The following RNF121 variants were observed in gnomAD, a reference collection of about 807,000 sequenced individuals.
RNF121 encodes E3 ubiquitin ligase RNF121.
RNF121 carries 21 observed loss-of-function variants against 46.5 expected under a neutral mutation model. The observed-to-expected ratio is 0.45, with a 90% CI of 0.32 to 0.65. The LOEUF (loss-of-function observed/expected upper bound fraction) is 0.65, where lower values mean the gene tolerates loss of function less well. RNF121 is among the 30% of genes least tolerant of loss of function. The pLI, the probability that RNF121 is intolerant of heterozygous loss-of-function variation, is 0.04. For synonymous variants in RNF121, 139 were observed against 144.7 expected (o/e 0.96, Z 0.28); for missense variants, 346 against 416.0 (o/e 0.83, Z 1.46).
chr11:71,981,472 G>A (rs189791739), intron 3 of RNF121, among the ~76,000 whole-genome samples: 1 of 152,130 alleles, frequency 6.6e-6, no homozygotes, highest in Non-Finnish European at 1.5e-5. Context: ...ATGGCATCAG[G>A]AAGAAAACCT....
chr11:71,940,915 G>A (rs2187496), intron 1 of RNF121, among the ~76,000 whole-genome samples: 1 of 152,140 alleles, frequency 6.6e-6, no homozygotes, highest in Non-Finnish European at 1.5e-5. Flanking sequence ...AGGTAAGGAA[G>A]AGTGAGTGGT....
chr11:71,942,335 G>A (rs1953592466), intron 1 of RNF121, among the ~76,000 whole-genome samples: 1 of 152,152 alleles, frequency 6.6e-6, no homozygotes, highest in South Asian at 2.1e-4. Context: ...ATTGTAGGAG[G>A]TGACTCAGTG....
At chr11:71,974,133 G>A (rs900600851) in intron 3 of RNF121, among the ~76,000 whole-genome samples, 3 of 152,096 alleles carry the variant, frequency 2.0e-5, no homozygotes, top group Admixed American at 2.0e-4. Context: ...AGTAGAGACG[G>A]GGTTTCACCG....
At chr11:71,955,044 T>C (rs1953959932) in intron 1 of RNF121, among the ~76,000 whole-genome samples, 1 of 152,196 alleles carries the variant, frequency 6.6e-6, no homozygotes, top group African/African-American at 2.4e-5. Flanking sequence ...ACTAATATGT[T>C]CATGGGATGG....
chr11:71,951,628 C>A lies in RNF121; in HGVS notation c.64-5599C>A, dbSNP rs563247237. ...CTCCAGCCTGGGCACTATAGCAAGA[C>A]CCTGTCTCTTAAAAAAAAAAAAAAA... On this transcript the variant is annotated intron_variant, in intron 1 of 8. Coordinates refer to ENST00000361756, the MANE Select transcript of RNF121 (RefSeq NM_018320.5). Among the ~76,000 whole-genome samples, 4 of 148,014 alleles carry A rather than the reference C, an allele frequency of 2.7e-5. No individual in the cohort carries two copies. The East Asian group carries it at 7.9e-4, about 29-fold the overall frequency.
At chr11:71,994,593 T>G in intron 6 of RNF121, 126 bp from the exon 7 acceptor site, 1 of 1,069,060 alleles carries the variant, frequency 9.4e-7, no homozygotes, top group Non-Finnish European at 1.4e-6. Flanking sequence ...AAAGATGTCC[T>G]CTAACTCTGG....
intron 7 of RNF121, 122 bp downstream of exon 7, chr11:71,994,974 A>G (rs1450731417): frequency 7.6e-7 from 1 of 1,308,998 alleles, no homozygotes; most frequent in African/African-American, 1.5e-5. Flanking sequence ...TAGGAGAGCC[A>G]CAAGAGGGCC....
chr11:71,994,894 C>G (rs776943188), intron 7 of RNF121, 42 bp downstream of exon 7: 5 of 1,613,242 alleles, frequency 3.1e-6, no homozygotes, highest in Non-Finnish European at 4.2e-6. Context: ...CTCCTGCAAT[C>G]TGCACACTGT....
intron 1 of RNF121, among the ~76,000 whole-genome samples, chr11:71,942,537 C>T (rs556752881): frequency 1.2e-3 from 177 of 151,746 alleles, no homozygotes; most frequent in South Asian, 6.9e-3. Flanking sequence ...CTGAGGCGGG[C>T]GGATTACTTG....
chr11:71,973,619 TCTA>T (rs1400351537), intron 3 of RNF121, among the ~76,000 whole-genome samples: 2 of 152,040 alleles, frequency 1.3e-5, no homozygotes, highest in Non-Finnish European at 2.9e-5. Flanking sequence ...AAACCCCGTC[TCTA>T]CTAATAATAC....
chr11:71,986,580 A>G (rs1006507190), intron 4 of RNF121, among the ~76,000 whole-genome samples: 6 of 151,998 alleles, frequency 3.9e-5, no homozygotes, highest in African/African-American at 7.3e-5. Flanking sequence ...AGCCTGGCCA[A>G]TATGGTGAAA....
intron 1 of RNF121, among the ~76,000 whole-genome samples, chr11:71,956,482 A>G (rs1417852153): frequency 6.6e-6 from 1 of 152,226 alleles, no homozygotes; most frequent in Non-Finnish European, 1.5e-5. Context: ...CAGTAGTGCC[A>G]AGGTTGAAAA....
At chr11:71,985,100 TA>T (rs557656458) in intron 4 of RNF121, among the ~76,000 whole-genome samples, 219 of 152,224 alleles carry the variant, frequency 1.4e-3, no homozygotes, top group African/African-American at 4.9e-3. Context: ...TTTTAATTTT[TA>T]TTTTTAGTAG....
At chr11:71,961,964 A>AG (rs1267622287) in intron 3 of RNF121, among the ~76,000 whole-genome samples, 1 of 122,468 alleles carries the variant, frequency 8.2e-6, no homozygotes, top group Non-Finnish European at 1.6e-5. Flanking sequence ...TAATCTGCAA[A>AG]GATTTTTTTT....
chr11:71,952,807 CA>C (rs111500493), intron 1 of RNF121, among the ~76,000 whole-genome samples: 2 of 150,462 alleles, frequency 1.3e-5, no homozygotes, highest in African/African-American at 4.9e-5. Flanking sequence ...GACTCTGTCT[CA>C]AAAAAAAAAA....
At chr11:71,978,544 G>A (rs1209038928) in intron 3 of RNF121, among the ~76,000 whole-genome samples, 3 of 152,170 alleles carry the variant, frequency 2.0e-5, no homozygotes, top group Non-Finnish European at 4.4e-5. Flanking sequence ...TCCTTTGTAT[G>A]TGTGACTTAA....
At chr11:71,986,035 G>C (rs1341692612) in intron 4 of RNF121, among the ~76,000 whole-genome samples, 1 of 152,042 alleles carries the variant, frequency 6.6e-6, no homozygotes, top group Non-Finnish European at 1.5e-5. Flanking sequence ...GTCTTCATTG[G>C]CTCCTGGGGC....
At chr11:71,994,228 G>T (rs1954926213) in intron 6 of RNF121, among the ~76,000 whole-genome samples, 2 of 152,148 alleles carry the variant, frequency 1.3e-5, no homozygotes, top group Non-Finnish European at 2.9e-5. Context: ...CTATCTGAAA[G>T]GCTTGAACCC....
intron 1 of RNF121, among the ~76,000 whole-genome samples, chr11:71,947,483 C>CAAAAA (rs35167855): frequency 6.9e-6 from 1 of 145,464 alleles, no homozygotes. Flanking sequence ...AGACCTGTCT[C>CAAAAA]AAAAAAAAAA....
Sources: allele counts gnomAD v4.1 joint callset (sites outside exome capture counted in the v4.1 genomes callset), GRCh38; gene constraint gnomAD v4.1.1; transcripts MANE v1.5; gene names NCBI Gene and HGNC (gene_info 2026-07-23, HGNC 2026-07-21).